The following PREX2 variants were observed in gnomAD, a reference collection of about 807,000 sequenced individuals.
The protein encoded by PREX2 is phosphatidylinositol 3,4,5-trisphosphate-dependent Rac exchanger 2 protein.
PREX2 carries 107 observed loss-of-function variants against 203.2 expected under a neutral mutation model. The observed-to-expected ratio is 0.53, with a 90% confidence interval of 0.45 to 0.62. PREX2 has a LOEUF of 0.62. PREX2 is among the 20% of genes least tolerant of loss of function. The pLI, the probability that PREX2 is intolerant of heterozygous loss-of-function variation, is 0.00. For missense variants in PREX2, 1,777 were observed against 1,955.9 expected (o/e 0.91, Z 1.72); for synonymous variants, 672 against 663.6 (o/e 1.01, Z -0.19).
intron 1 of PREX2, among the ~76,000 whole-genome samples, chr8:67,994,003 A>G (rs1280612799): frequency 6.6e-6 from 1 of 152,206 alleles, no homozygotes; most frequent in African/African-American, 2.4e-5. Flanking sequence ...GGAGTCAATA[A>G]TTGGAGCAAC....
intron 1 of PREX2, among the ~76,000 whole-genome samples, chr8:67,974,483 T>C (rs1806014508): frequency 6.6e-6 from 1 of 152,198 alleles, no homozygotes; most frequent in African/African-American, 2.4e-5. Flanking sequence ...ATCAATTAGC[T>C]AAAATCCTAC....
chr8:68,008,771 A>C lies in PREX2; in HGVS notation c.142-9075A>C, dbSNP rs560817506. 2.0e-5 allele frequency among the ~76,000 whole-genome samples: 3 copies of C among 152,248 alleles called. No individual in the cohort carries two copies. In the South Asian group the frequency reaches 6.2e-4, roughly 32 times the overall value. On this transcript the variant is annotated intron_variant, in intron 1 of 39. Transcript: ENST00000288368. Reference sequence around the variant, plus strand: ...ATCTCATGAGATCTGATGGTTTTATAAAGGGGAATTCCCCTGCACATGCTG... The same window carrying C: ...ATCTCATGAGATCTGATGGTTTTATCAAGGGGAATTCCCCTGCACATGCTG...
At chr8:68,053,017 T>C (rs1808566721) in intron 8 of PREX2, 80 bp from the exon 9 acceptor site, 5 of 1,293,700 alleles carry the variant, frequency 3.9e-6, no homozygotes, top group Non-Finnish European at 5.4e-6. Flanking sequence ...TTTGGAACTT[T>C]TGTGTATTGA....
intron 31 of PREX2, among the ~76,000 whole-genome samples, chr8:68,130,721 C>T (rs1164256135): frequency 2.0e-5 from 3 of 152,142 alleles, no homozygotes; most frequent in Non-Finnish European, 2.9e-5. Context: ...GAGCCTAAGT[C>T]ACAGGCCACT....
intron 32 of PREX2, among the ~76,000 whole-genome samples, chr8:68,135,011 A>AT (rs1338888578): frequency 2.0e-5 from 3 of 152,124 alleles, no homozygotes; most frequent in Non-Finnish European, 2.9e-5. Context: ...TAGAACTGTG[A>AT]TTTTAAACAT....
chr8:68,074,825 T>A (rs1210896952), intron 14 of PREX2, among the ~76,000 whole-genome samples: 1 of 152,174 alleles, frequency 6.6e-6, no homozygotes, highest in Non-Finnish European at 1.5e-5. Flanking sequence ...TCTACTATGA[T>A]TGGAGTATAT....
intron 1 of PREX2, among the ~76,000 whole-genome samples, chr8:68,005,725 C>T (rs925116943): frequency 4.6e-5 from 7 of 152,108 alleles, no homozygotes; most frequent in African/African-American, 9.7e-5. Context: ...TATTTTTCTT[C>T]GTAGTATGTA....
At chr8:68,042,127 T>G (rs1391142099) in intron 7 of PREX2, among the ~76,000 whole-genome samples, 1 of 152,038 alleles carries the variant, frequency 6.6e-6, no homozygotes, top group African/African-American at 2.4e-5. Context: ...AGCATATGCT[T>G]TCTAAGATAT....
At chr8:68,116,925 A>G (rs1810671304) in intron 26 of PREX2, among the ~76,000 whole-genome samples, 1 of 152,112 alleles carries the variant, frequency 6.6e-6, no homozygotes, top group Non-Finnish European at 1.5e-5. Flanking sequence ...AATTCAAACT[A>G]CTTTTTGTTC....
intron 4 of PREX2, among the ~76,000 whole-genome samples, chr8:68,025,176 C>T (rs1807681439): frequency 6.6e-6 from 1 of 151,916 alleles, no homozygotes; most frequent in Admixed American, 6.6e-5. Flanking sequence ...GTTCTACTAG[C>T]AATAACTTTG....
chr8:68,219,851 C>T (rs1052469777), intron 38 of PREX2, among the ~76,000 whole-genome samples: 1 of 152,214 alleles, frequency 6.6e-6, no homozygotes, highest in African/African-American at 2.4e-5. Context: ...GAATGCAAGT[C>T]TGAATCAAAG....
chr8:68,114,368 A>T (rs1437981080), intron 25 of PREX2: 4 of 488,134 alleles, frequency 8.2e-6, no homozygotes, highest in East Asian at 5.7e-5. Context: ...GAGAATCAAG[A>T]TATGTGCTAC....
intron 34 of PREX2, among the ~76,000 whole-genome samples, chr8:68,152,278 T>G (rs190385910): frequency 0.08 from 6,539 of 81,332 alleles, 239 homozygotes; most frequent in Non-Finnish European, 0.11. Context: ...AGAGCGAGAC[T>G]CCCTCTCAGA....
chr8:68,173,354 T>C (rs1191330788), intron 35 of PREX2, among the ~76,000 whole-genome samples: 2 of 152,166 alleles, frequency 1.3e-5, no homozygotes, highest in African/African-American at 4.8e-5. Flanking sequence ...AAATTTCACA[T>C]GAGGCAAGAT....
intron 25 of PREX2, among the ~76,000 whole-genome samples, chr8:68,113,044 C>A (rs953508672): frequency 6.6e-6 from 1 of 152,042 alleles, no homozygotes; most frequent in Non-Finnish European, 1.5e-5. Flanking sequence ...AATTAATGGA[C>A]CTCTAGTAGG....
At chr8:68,157,106 T>C (rs952096965) in intron 34 of PREX2, among the ~76,000 whole-genome samples, 1 of 152,172 alleles carries the variant, frequency 6.6e-6, no homozygotes, top group Non-Finnish European at 1.5e-5. Context: ...CCAGAAATTT[T>C]CTTTGCCCAT....
At chr8:67,955,191 G>A (rs1476760312) in intron 1 of PREX2, among the ~76,000 whole-genome samples, 1 of 149,746 alleles carries the variant, frequency 6.7e-6, no homozygotes, top group Non-Finnish European at 1.5e-5. Context: ...TGGCTAGAGG[G>A]AAAAGCTTTT....
chr8:68,111,116 C>A, intron 25 of PREX2: 1 of 236,892 alleles, frequency 4.2e-6, no homozygotes, highest in South Asian at 4.7e-5. Flanking sequence ...TTATTGTCTC[C>A]CAGAGGTATT....
At chr8:68,204,826 C>T (rs1812582515) in intron 37 of PREX2, among the ~76,000 whole-genome samples, 1 of 151,472 alleles carries the variant, frequency 6.6e-6, no homozygotes, top group African/African-American at 2.4e-5. Flanking sequence ...GGACTACAGG[C>T]GCCTGCCACC....
Sources: allele counts gnomAD v4.1 joint callset (sites outside exome capture counted in the v4.1 genomes callset), GRCh38; gene constraint gnomAD v4.1.1; transcripts MANE v1.5; gene names NCBI Gene and HGNC (gene_info 2026-07-23, HGNC 2026-07-21).